Variants in SORCS3 observed in about 807,000 individuals in gnomAD.
SORCS3 encodes sortilin related VPS10 domain containing receptor 3, also known as VPS10 domain-containing receptor SorCS3.
Under a neutral mutation model 146.3 loss-of-function variants are expected in SORCS3, and 57 were observed. That is an observed-to-expected ratio of 0.39 (90% CI 0.31 to 0.49). The LOEUF (loss-of-function observed/expected upper bound fraction) is 0.49, where lower values mean the gene tolerates loss of function less well. SORCS3 is among the 20% of genes least tolerant of loss of function. The pLI, the probability that SORCS3 is intolerant of heterozygous loss-of-function variation, is 0.92. For missense variants in SORCS3, 1,341 were observed against 1,575.5 expected, an observed-to-expected ratio of 0.85 and a Z score of 2.52; for synonymous variants, 653 against 618.5, an observed-to-expected ratio of 1.06 and a Z score of -0.83.
intron 24 of SORCS3, 67 bp downstream of exon 24, chr10:105,255,868 A>G: frequency 7.8e-7 from 1 of 1,287,102 alleles, no homozygotes; most frequent in Non-Finnish European, 1.1e-6. Flanking sequence ...AAAGGAGGAG[A>G]GAATCATGAA....
chr10:105,171,496 G>A (rs1439043092), intron 13 of SORCS3, among the ~76,000 whole-genome samples: 2 of 152,152 alleles, frequency 1.3e-5, no homozygotes, highest in South Asian at 2.1e-4. Context: ...GTCTCTCAAT[G>A]GGATGTTCTT....
At chr10:104,706,165 T>C (rs2016333310) in intron 1 of SORCS3, among the ~76,000 whole-genome samples, 1 of 151,492 alleles carries the variant, frequency 6.6e-6, no homozygotes, top group African/African-American at 2.4e-5. Flanking sequence ...GTTTGGAGAC[T>C]AGAGTTTCTT....
At chr10:104,675,789 A>G (rs2015906355) in intron 1 of SORCS3, among the ~76,000 whole-genome samples, 1 of 152,174 alleles carries the variant, frequency 6.6e-6, no homozygotes, top group Non-Finnish European at 1.5e-5. Flanking sequence ...TTATTTGGTA[A>G]TCTAAGTTTG....
intron 20 of SORCS3, among the ~76,000 whole-genome samples, chr10:105,235,806 G>C (rs945861818): frequency 6.6e-6 from 1 of 151,972 alleles, no homozygotes; most frequent in Non-Finnish European, 1.5e-5. Flanking sequence ...TTGTGTGAGA[G>C]CTTGATAAAG....
intron 1 of SORCS3, among the ~76,000 whole-genome samples, chr10:104,656,317 G>A (rs2015628935): frequency 6.6e-6 from 1 of 152,072 alleles, no homozygotes; most frequent in African/African-American, 2.4e-5. Context: ...AAGCTAGACA[G>A]GCAGGCATGG....
intron 3 of SORCS3, 44 bp downstream of exon 3, chr10:104,915,976 G>A: frequency 1.4e-6 from 2 of 1,477,860 alleles, no homozygotes; most frequent in Non-Finnish European, 1.9e-6. Context: ...CTGCTGGGTA[G>A]CTGTGCTGAT....
chr10:104,923,538 C>G (rs1304312712), intron 3 of SORCS3, among the ~76,000 whole-genome samples: 1 of 152,192 alleles, frequency 6.6e-6, no homozygotes, highest in Non-Finnish European at 1.5e-5. Context: ...TCAGCATGAG[C>G]CAATGCAACT....
At chr10:105,204,522 G>C (rs1438678142) in intron 16 of SORCS3, among the ~76,000 whole-genome samples, 1 of 152,032 alleles carries the variant, frequency 6.6e-6, no homozygotes, top group African/African-American at 2.4e-5. Context: ...ATCATAATAG[G>C]TGTATGGTCT....
chr10:105,104,956 A>G (rs910507166), intron 6 of SORCS3, among the ~76,000 whole-genome samples: 1 of 152,166 alleles, frequency 6.6e-6, no homozygotes, highest in African/African-American at 2.4e-5. Context: ...ATTTTTTACT[A>G]CTATGAACAA....
intron 3 of SORCS3, among the ~76,000 whole-genome samples, chr10:104,932,807 C>A (rs549617471): frequency 6.6e-6 from 1 of 152,182 alleles, no homozygotes; most frequent in Non-Finnish European, 1.5e-5. Context: ...ATCCTCCTAC[C>A]TCAGAGTCAA....
At chr10:104,926,997 G>C (rs1421798354) in intron 3 of SORCS3, among the ~76,000 whole-genome samples, 1 of 152,222 alleles carries the variant, frequency 6.6e-6, no homozygotes, top group Non-Finnish European at 1.5e-5. Context: ...AGATTATCCA[G>C]ACATTTTAGA....
chr10:105,201,494 CA>C (rs1189563137), intron 16 of SORCS3, among the ~76,000 whole-genome samples: 1 of 151,826 alleles, frequency 6.6e-6, no homozygotes, highest in African/African-American at 2.4e-5. Context: ...CAGCATCTCT[CA>C]GGGGGCTTCT....
At chr10:105,090,037 T>C (rs1334808955) in intron 6 of SORCS3, among the ~76,000 whole-genome samples, 198 bp downstream of exon 6, 2 of 152,212 alleles carry the variant, frequency 1.3e-5, no homozygotes, top group African/African-American at 2.4e-5. Flanking sequence ...CTCTTGGGAA[T>C]GAATTGTCTG....
At chr10:104,700,903 A>G (rs1346772285) in intron 1 of SORCS3, among the ~76,000 whole-genome samples, 1 of 152,126 alleles carries the variant, frequency 6.6e-6, no homozygotes, top group Non-Finnish European at 1.5e-5. Context: ...GTAGAAAGTG[A>G]CTTACCTCTT....
intron 6 of SORCS3, 75 bp downstream of exon 6, chr10:105,089,914 T>C: frequency 8.3e-7 from 1 of 1,200,434 alleles, no homozygotes; most frequent in South Asian, 1.2e-5. Flanking sequence ...ATTTGCATTT[T>C]AATATCTTGG....
At chr10:104,779,694 C>G (rs939800738) in intron 1 of SORCS3, among the ~76,000 whole-genome samples, 1 of 152,122 alleles carries the variant, frequency 6.6e-6, no homozygotes, top group Non-Finnish European at 1.5e-5. Context: ...GTCTCCTGCC[C>G]TCTCCTTTTC....
chr10:104,878,898 G>A (rs984999928), intron 2 of SORCS3, among the ~76,000 whole-genome samples: 5 of 152,150 alleles, frequency 3.3e-5, no homozygotes, highest in South Asian at 4.1e-4. Context: ...GTGCCACAGT[G>A]GATGTTTTTG....
chr10:105,079,499 G>A (rs1004625259), intron 5 of SORCS3, among the ~76,000 whole-genome samples: 1 of 152,142 alleles, frequency 6.6e-6, no homozygotes, highest in Admixed American at 6.6e-5. Context: ...CTTGAGATAC[G>A]GCAGGGTGAT....
intron 1 of SORCS3, among the ~76,000 whole-genome samples, chr10:104,744,169 T>C (rs1046501743): frequency 9.2e-5 from 14 of 152,208 alleles, no homozygotes; most frequent in Non-Finnish European, 1.9e-4. Context: ...TCTTCTCCTT[T>C]GCCTCTGTCA....
Sources: allele counts gnomAD v4.1 joint callset (sites outside exome capture counted in the v4.1 genomes callset), GRCh38; gene constraint gnomAD v4.1.1; transcripts MANE v1.5; gene names NCBI Gene and HGNC (gene_info 2026-07-23, HGNC 2026-07-21).